The following PEX13 variants were observed in gnomAD, a reference collection of about 807,000 sequenced individuals.
PEX13 encodes the protein peroxisome biogenesis factor 13.
Under a neutral mutation model 34.5 loss-of-function variants are expected in PEX13, and 28 were observed. That is an observed-to-expected ratio of 0.81 (90% CI 0.60 to 1.11). The LOEUF (loss-of-function observed/expected upper bound fraction) is 1.11, where lower values mean the gene tolerates loss of function less well. Ranked by LOEUF, PEX13 falls within the 50% of genes most tolerant of loss-of-function variation. PEX13 has a pLI of 0.00. For synonymous variants in PEX13, 177 were observed against 175.1 expected, an observed-to-expected ratio of 1.01 and a Z score of -0.09; for missense variants, 550 against 491.0, an observed-to-expected ratio of 1.12 and a Z score of -1.13.
intron 3 of PEX13, among the ~76,000 whole-genome samples, chr2:61,047,128 C>G (rs1349442448): frequency 6.6e-6 from 1 of 151,736 alleles, no homozygotes; most frequent in Admixed American, 6.6e-5. Flanking sequence ...AACCTCTAGA[C>G]TTTTAGGTAT....
intron 1 of PEX13, among the ~76,000 whole-genome samples, chr2:61,026,096 T>TC (rs1294565931): frequency 6.6e-6 from 1 of 152,088 alleles, no homozygotes; most frequent in Non-Finnish European, 1.5e-5. Context: ...GTTTTTTTTT[T>TC]CCTCCTTGAT....
intron 2 of PEX13, among the ~76,000 whole-genome samples, chr2:61,036,595 A>G (rs2104806767): frequency 6.6e-6 from 1 of 152,346 alleles, no homozygotes; most frequent in African/African-American, 2.4e-5. Context: ...TTTCACCACC[A>G]GGCCTGCCTT....
chr2:61,048,378 A>T, intron 3 of PEX13, 94 bp from the exon 4 acceptor site: 1 of 1,027,322 alleles, frequency 9.7e-7, no homozygotes, highest in South Asian at 1.3e-5. Context: ...ATGTAAGCAT[A>T]ACAGATTTTC....
chr2:61,042,555 A>G (rs1411889397), intron 2 of PEX13, among the ~76,000 whole-genome samples: 2 of 152,220 alleles, frequency 1.3e-5, no homozygotes, highest in Admixed American at 6.5e-5. Flanking sequence ...TTAAATGGCT[A>G]TACTACATAT....
chr2:61,023,640 G>T (rs983714475), intron 1 of PEX13, among the ~76,000 whole-genome samples: 3 of 151,752 alleles, frequency 2.0e-5, no homozygotes, highest in Non-Finnish European at 4.4e-5. Context: ...CTGTGATTTG[G>T]ACTATTAAGA....
intron 2 of PEX13, among the ~76,000 whole-genome samples, chr2:61,040,040 A>G (rs1172612795): frequency 6.6e-6 from 1 of 152,216 alleles, no homozygotes; most frequent in African/African-American, 2.4e-5. Flanking sequence ...CCACAATGAG[A>G]TACCATCTCA....
chr2:61,034,010 T>G (rs866950291), intron 2 of PEX13, among the ~76,000 whole-genome samples: 3 of 152,100 alleles, frequency 2.0e-5, no homozygotes, highest in South Asian at 2.1e-4. Flanking sequence ...GTTTTTTTTC[T>G]TCGGGAGACA....
intron 2 of PEX13, among the ~76,000 whole-genome samples, chr2:61,043,233 A>C (rs543794075): frequency 2.1e-4 from 32 of 151,446 alleles, no homozygotes; most frequent in Middle Eastern, 3.4e-3. Flanking sequence ...TCGGTGGCTC[A>C]TGCCTGTAAT....
At chr2:61,028,392 CTTTTTTTT>C (rs943141246) in intron 1 of PEX13, among the ~76,000 whole-genome samples, 3 of 135,516 alleles carry the variant, frequency 2.2e-5, no homozygotes, top group Non-Finnish European at 4.9e-5. Flanking sequence ...TCTTTCTTTT[CTTTTTTTT>C]TTTTTTTGAA....
rs1236462725 is a variant in PEX13, at chr2:61,045,757, C to G, written c.819C>G (p.Asp273Glu). The G allele has an allele frequency of 1.2e-6, 2 of 1,612,794 alleles. No individual in the cohort carries two copies. Among genetic ancestry groups the G allele is most frequent in the Non-Finnish European group, 1.7e-6 (2 of 1,179,010 alleles). The change falls in exon 3 of 4, where the codon GAC becomes GAG. Residue 273 changes from aspartate to glutamate, a missense_variant. By Grantham distance (45) the Asp-to-Glu change is conservative (BLOSUM62 2). Transcript: ENST00000295030. The part of the protein sequence containing the change: ...DSINWASGED[D>E]HVVARAEYDF... ...TCAACTGGGCAAGTGGTGAGGATGA[C>G]CATGTAGTTGCCAGAGCAGAATATG...
At chr2:61,030,367 CAAAA>C (rs1298735959) in intron 1 of PEX13, among the ~76,000 whole-genome samples, 2 of 152,068 alleles carry the variant, frequency 1.3e-5, no homozygotes, top group East Asian at 1.9e-4. Flanking sequence ...AACTGAGAGA[CAAAA>C]AAGCAACACT....
chr2:61,026,999 C>T (rs1323752813), intron 1 of PEX13, among the ~76,000 whole-genome samples: 1 of 151,896 alleles, frequency 6.6e-6, no homozygotes, highest in African/African-American at 2.4e-5. Context: ...GTTCCCTCTA[C>T]CTACCACTTA....
In PEX13 at chr2:61,032,062, G is replaced by A. The variant is rs1477180337; in HGVS notation, c.736G>A (p.Gly246Ser). 1 of 1,613,590 alleles carries A rather than the reference G, an allele frequency of 6.2e-7. No individual in the cohort carries two copies. The highest frequency in any genetic ancestry group is 1.3e-5 in the African/African-American group (1 of 74,966). The change falls in exon 2 of 4, where the codon GGT (glycine) becomes AGT (serine). Residue 246 changes from glycine (G) to serine (S), a missense_variant. Gly to Ser is a moderately conservative substitution (Grantham distance 56, BLOSUM62 0). Coordinates refer to ENST00000295030, the MANE Select transcript of PEX13 (RefSeq NM_002618.4). Reference sequence around the variant, plus strand: ...CTTGTTCTTTGCTGTTATCCTTGGTGGTCCTTACCTCATTTGGAAACTATT... The same window carrying A: ...CTTGTTCTTTGCTGTTATCCTTGGTAGTCCTTACCTCATTTGGAAACTATT... ...IFLFFAVILG[G>S]PYLIWKLLST... is the part of the protein sequence containing the mutation.
chr2:61,025,335 C>T (rs1460634562), intron 1 of PEX13, among the ~76,000 whole-genome samples: 1 of 145,950 alleles, frequency 6.9e-6, no homozygotes, highest in Admixed American at 7.0e-5. Flanking sequence ...TTATGTAAGC[C>T]CTATCATTAT....
chr2:61,031,813 G>C lies in PEX13; in HGVS notation c.487G>C (p.Asp163His), dbSNP rs969985837. 1 of 1,613,680 alleles carries C rather than the reference G, an allele frequency of 6.2e-7. No individual in the cohort carries two copies. The highest frequency in any genetic ancestry group is 8.5e-7 in the Non-Finnish European group (1 of 1,179,566). Reference sequence around the variant, plus strand: ...CTATAACAGTTTCAGGGCTGTATTGGATGTAGCAAATCACTTTTCCCGATT... The same window carrying C: ...CTATAACAGTTTCAGGGCTGTATTGCATGTAGCAAATCACTTTTCCCGATT... ...AVYNSFRAVL[D>H]VANHFSRLKI... is the part of the protein sequence containing the mutation. The change falls in exon 2 of 4, where the codon GAT becomes CAT. Residue 163 changes from aspartate (D) to histidine (H), a missense_variant. Physicochemically the swap from Asp to His is moderately conservative, Grantham distance 81 (BLOSUM62 -1). Coordinates refer to ENST00000295030, the MANE Select transcript of PEX13 (RefSeq NM_002618.4).
intron 1 of PEX13, among the ~76,000 whole-genome samples, chr2:61,030,060 T>G (rs1036225574): frequency 6.6e-6 from 1 of 152,160 alleles, no homozygotes; most frequent in Non-Finnish European, 1.5e-5. Flanking sequence ...AAGGAGATTT[T>G]GAAACCACTC....
Position 61,045,794 on chromosome 2 carries a change from G to GT in PEX13, c.857dup (p.Ser287IlefsTer2). ...CAGAGCAGAATATGATTTTGCTGCC[G>GT]TATCTGAAGAAGAAATTTCTTTCCG... is the stretch of plus-strand genomic sequence containing the variant. On this transcript the variant is annotated frameshift_variant, in exon 3 of 4. Coordinates refer to ENST00000295030, the MANE Select transcript of PEX13 (RefSeq NM_002618.4). LOFTEE classifies it high-confidence loss of function. 1 of 1,612,702 alleles carries GT rather than the reference G, an allele frequency of 6.2e-7. No individual in the cohort carries two copies. The highest frequency in any genetic ancestry group is 8.5e-7 in the Non-Finnish European group (1 of 1,178,746).
chr2:61,033,753 G>GT (rs949188284), intron 2 of PEX13, among the ~76,000 whole-genome samples: 149 of 152,234 alleles, frequency 9.8e-4, no homozygotes, highest in Admixed American at 4.3e-3. Flanking sequence ...AAGGAAGAGT[G>GT]TTTTCAGTCA....
intron 1 of PEX13, 99 bp from the exon 2 acceptor site, chr2:61,031,320 T>C: frequency 1.2e-6 from 1 of 869,514 alleles, no homozygotes; most frequent in South Asian, 1.4e-5. Flanking sequence ...TTCAGTAGAA[T>C]TTGTCATAGC....
Sources: gnomAD v4.1 joint callset for allele counts (sites outside exome capture counted in the v4.1 genomes callset) on GRCh38, gnomAD v4.1.1 for gene constraint, MANE v1.5 for transcripts, NCBI Gene and HGNC (gene_info 2026-07-23, HGNC 2026-07-21) for gene names.